Variants in NAA16 observed in about 807,000 individuals in gnomAD.
NAA16 encodes N-alpha-acetyltransferase 16, NatA auxiliary subunit.
Under a neutral mutation model 110.3 loss-of-function variants are expected in NAA16, and 97 were observed. The observed-to-expected ratio is 0.88, with a 90% CI of 0.75 to 1.04. NAA16 has a LOEUF of 1.04. Ranked by LOEUF, NAA16 falls within the 50% of genes least tolerant of loss-of-function variation. NAA16 has a pLI of 0.00. For missense variants in NAA16, 1,017 were observed against 1,005.1 expected, an observed-to-expected ratio of 1.01 and a Z score of -0.16; for synonymous variants, 372 against 330.6, an observed-to-expected ratio of 1.13 and a Z score of -1.36.
chr13:41,313,525 ATTATCT>A lies in NAA16; in HGVS notation c.54+1947_54+1952del, dbSNP rs2041710830. The stretch of plus-strand genomic sequence containing the variant: ...AGCAAACAGAAGTCTCTGTAATAAA[ATTATCT>A]TTAAAGTTTAGTGGATTAAAGTGCT... On this transcript the variant is annotated intron_variant, in intron 1 of 19. Coordinates refer to ENST00000379406, the MANE Select transcript of NAA16 (RefSeq NM_024561.5). 2.0e-5 allele frequency among the ~76,000 whole-genome samples: 3 copies of A among 152,248 alleles called. No homozygotes were observed. The South Asian group carries it at 6.2e-4, about 31-fold the overall frequency.
At chr13:41,363,493 C>T (rs2043152643) in intron 13 of NAA16, among the ~76,000 whole-genome samples, 2 of 152,050 alleles carry the variant, frequency 1.3e-5, no homozygotes, top group Non-Finnish European at 2.9e-5. Flanking sequence ...ACATTGATGA[C>T]TATATTGCTT....
intron 7 of NAA16, among the ~76,000 whole-genome samples, chr13:41,329,536 A>G: frequency 6.7e-6 from 1 of 149,786 alleles, no homozygotes; most frequent in African/African-American, 2.4e-5. Context: ...GAATTTTTAA[A>G]TTTAAAAAGT....
At chr13:41,358,266 A>G in intron 10 of NAA16, 38 bp from the exon 11 acceptor site, 1 of 1,536,528 alleles carries the variant, frequency 6.5e-7, no homozygotes, top group Non-Finnish European at 9.0e-7. Context: ...TTTGCTTTAC[A>G]TTCTTTCTAT....
chr13:41,340,746 G>A (rs533374311), intron 9 of NAA16, among the ~76,000 whole-genome samples: 109 of 127,728 alleles, frequency 8.5e-4, no homozygotes, highest in African/African-American at 2.9e-3. Context: ...GTGCGATCTC[G>A]GCTCACTGCA....
At chr13:41,371,444 C>G (rs1036991549) in intron 15 of NAA16, among the ~76,000 whole-genome samples, 1 of 152,160 alleles carries the variant, frequency 6.6e-6, no homozygotes, top group African/African-American at 2.4e-5. Context: ...TCTTCTGCCT[C>G]CCTTTCCACC....
intron 9 of NAA16, among the ~76,000 whole-genome samples, chr13:41,353,243 A>AT: frequency 6.6e-6 from 1 of 152,316 alleles, no homozygotes. Context: ...CTGAAAAAAA[A>AT]TTATTTGCCT....
intron 15 of NAA16, among the ~76,000 whole-genome samples, chr13:41,370,407 C>G (rs897180872): frequency 6.6e-6 from 1 of 152,090 alleles, no homozygotes; most frequent in Non-Finnish European, 1.5e-5. Flanking sequence ...GGAAAATAAG[C>G]GAACACCAGG....
At chr13:41,315,488 C>G (rs929285991) in intron 1 of NAA16, among the ~76,000 whole-genome samples, 1 of 152,146 alleles carries the variant, frequency 6.6e-6, no homozygotes, top group African/African-American at 2.4e-5. Flanking sequence ...GGAGTAAGAT[C>G]AGAGTTTGCA....
chr13:41,311,431 ACT>A lies in NAA16; in HGVS notation c.-94_-93del. ...GAACTAATCCATCGCCCGCAGCCCGACTCTCAGCAGCGGTTCGTCCCGGTGCC... is the reference window on the plus strand; with the variant it reads ...GAACTAATCCATCGCCCGCAGCCCGACTCAGCAGCGGTTCGTCCCGGTGCC... On this transcript the variant is annotated 5_prime_UTR_variant, in exon 1 of 20. Transcript: ENST00000379406. 2 of 1,183,906 alleles carry A rather than the reference ACT, an allele frequency of 1.7e-6. No individual in the cohort carries two copies. Among genetic ancestry groups the A allele is most frequent in the Non-Finnish European group, 2.4e-6 (2 of 822,580 alleles). 73.3% of individuals were successfully genotyped at this position (1,183,906 alleles called of 1,614,324 possible).
intron 8 of NAA16, among the ~76,000 whole-genome samples, chr13:41,333,307 A>G (rs1027537550): frequency 1.3e-5 from 2 of 152,124 alleles, no homozygotes; most frequent in African/African-American, 4.8e-5. Context: ...TCACTTTTAA[A>G]AAGTGTGTGC....
intron 9 of NAA16, among the ~76,000 whole-genome samples, chr13:41,339,797 G>A (rs1425007804): frequency 6.6e-6 from 1 of 152,036 alleles, no homozygotes; most frequent in African/African-American, 2.4e-5. Flanking sequence ...GGCCTTAAGT[G>A]ATTCACCCAC....
At position 41,372,837 on chromosome 13, in the gene NAA16, A is replaced by G; in HGVS notation, c.2155+7A>G. On this transcript the variant is annotated splice_region_variant and intron_variant, in intron 17 of 19. Transcript: ENST00000379406. ...ATTAGATTTTCTAAATCTGGTAAGT[A>G]TAAAAAAGGACCATATTTACATTTG... 1.3e-6 allele frequency: 2 copies of G among 1,538,614 alleles called. No individual in the cohort carries two copies. Among genetic ancestry groups the G allele is most frequent in the South Asian group, 1.3e-5 (1 of 79,970 alleles).
At chr13:41,368,948 C>G in intron 14 of NAA16, 142 bp from the exon 15 acceptor site, 1 of 570,190 alleles carries the variant, frequency 1.8e-6, no homozygotes, top group Non-Finnish European at 3.1e-6. Flanking sequence ...GCTTGAGTAT[C>G]AGTGGACTTT....
At chr13:41,329,005 A>G (rs1039451172) in intron 7 of NAA16, among the ~76,000 whole-genome samples, 162 bp downstream of exon 7, 4 of 152,098 alleles carry the variant, frequency 2.6e-5, no homozygotes, top group South Asian at 4.1e-4. Context: ...GAATTCAAAT[A>G]GTTACACTTA....
In NAA16 at chr13:41,362,291, C is replaced by T. The variant is rs2043128595; in HGVS notation, c.1539+132C>T. 4 of 871,438 alleles carry T rather than the reference C, an allele frequency of 4.6e-6. No individual in the cohort carries two copies. In the South Asian group the frequency reaches 7.9e-5, roughly 17 times the overall value. 54.0% of individuals were successfully genotyped at this position (871,438 alleles called of 1,614,324 possible). A position where few individuals can be genotyped will look rare whatever the true frequency, so the allele number is the denominator to read the frequency against. On this transcript the variant is annotated intron_variant, in intron 13 of 19. Transcript: ENST00000379406. ...TGTGAAAAAAATTCTTGATCTTTAA[C>T]CTTTACATTCAGAAGTTGTAAACAA... is the stretch of plus-strand genomic sequence containing the variant.
chr13:41,329,669 A>T (rs1453266446), intron 7 of NAA16, among the ~76,000 whole-genome samples: 1 of 151,870 alleles, frequency 6.6e-6, no homozygotes, highest in Non-Finnish European at 1.5e-5. Context: ...TTAACACTAC[A>T]AATTGTTAAA....
chr13:41,311,434 C>A lies in NAA16; in HGVS notation c.-95C>A. 1 of 1,230,496 alleles carries A rather than the reference C, an allele frequency of 8.1e-7. No homozygotes were observed. The highest frequency in any genetic ancestry group is 1.2e-6 in the Non-Finnish European group (1 of 863,276). The allele number at this position is 1,230,496 out of a possible 1,614,324, so 76.2% of individuals were successfully genotyped here. On this transcript the variant is annotated 5_prime_UTR_variant, in exon 1 of 20. Transcript: ENST00000379406. Reference sequence around the variant, plus strand: ...CTAATCCATCGCCCGCAGCCCGACTCTCAGCAGCGGTTCGTCCCGGTGCCC... The same window carrying A: ...CTAATCCATCGCCCGCAGCCCGACTATCAGCAGCGGTTCGTCCCGGTGCCC...
intron 9 of NAA16, among the ~76,000 whole-genome samples, chr13:41,349,400 C>G (rs990973936): frequency 6.6e-5 from 10 of 151,850 alleles, no homozygotes; most frequent in African/African-American, 2.4e-4. Flanking sequence ...CCAGGCTGGT[C>G]TCAAACTCAT....
chr13:41,370,952 C>G (rs540506819), intron 15 of NAA16, among the ~76,000 whole-genome samples: 2 of 152,254 alleles, frequency 1.3e-5, no homozygotes, highest in African/African-American at 2.4e-5. Context: ...GCCATCAAGC[C>G]TGAAACAATA....
Sources: allele counts gnomAD v4.1 joint callset (sites outside exome capture counted in the v4.1 genomes callset), GRCh38; gene constraint gnomAD v4.1.1; transcripts MANE v1.5; gene names NCBI Gene and HGNC (gene_info 2026-07-23, HGNC 2026-07-21).